The following PRDM16 variants were observed in gnomAD, a reference collection of about 807,000 sequenced individuals.
PRDM16 encodes the protein PR/SET domain 16.
PRDM16 carries 23 observed loss-of-function variants against 110.6 expected under a neutral mutation model. The ratio of observed to expected loss-of-function variants is 0.21; its 90% CI spans 0.15 to 0.29. The LOEUF is 0.29. Ranked by LOEUF, PRDM16 falls within the 10% of genes least tolerant of loss-of-function variation. The probability of loss-of-function intolerance (pLI) is 1.00; values close to 1 mark genes in which losing one functional copy is unlikely to be tolerated. For missense variants in PRDM16, 1,615 were observed against 1,794.3 expected (o/e 0.90, Z 1.81); for synonymous variants, 799 against 781.8 (o/e 1.02, Z -0.37).
intron 3 of PRDM16, among the ~76,000 whole-genome samples, chr1:3,247,505 G>C (rs1639814399): frequency 2.0e-5 from 3 of 152,158 alleles, no homozygotes; most frequent in African/African-American, 4.8e-5. Context: ...GGTGCCTCCC[G>C]TTAGCCCCGC....
rs1469012985 is a variant in PRDM16 at position 3,201,088 on chromosome 1, T to C, written c.387+14614T>C. On this transcript the variant is annotated intron_variant, in intron 2 of 16. Transcript: ENST00000270722. The surrounding 1 kb of genome is among the most constrained non-coding windows in gnomAD (Gnocchi z 4.1). ...GGGGAAGGCCAGCTGCCCAAATGACTGAAGTCTGATGGCAGAAGGACATCA... is the reference window on the plus strand; with the variant it reads ...GGGGAAGGCCAGCTGCCCAAATGACCGAAGTCTGATGGCAGAAGGACATCA... 6.6e-6 allele frequency among the ~76,000 whole-genome samples: 1 copy of C among 151,950 alleles called. No homozygotes were observed. The highest frequency in any genetic ancestry group is 1.5e-5 in the Non-Finnish European group (1 of 68,010).
At chr1:3,146,864 T>C (rs1309687914) in intron 1 of PRDM16, among the ~76,000 whole-genome samples, 1 of 112,452 alleles carries the variant, frequency 8.9e-6, no homozygotes, top group Non-Finnish European at 1.7e-5. Context: ...GTGGGGTGTG[T>C]GTGCACGTGT....
rs574804480 is a variant in PRDM16, at chr1:3,090,412, C to T, written c.37+21116C>T. Among the ~76,000 whole-genome samples the T allele has an allele frequency of 5.3e-5, 8 of 152,368 alleles. No individual in the cohort carries two copies. The South Asian group carries it at 6.2e-4, about 12-fold the overall frequency. ...TGGGTGGGGATTGGTGGCCGCCGTT[C>T]GGCAGGCCTGGTGGAACTCCTCTGA... is the stretch of plus-strand genomic sequence containing the variant. On this transcript the variant is annotated intron_variant, in intron 1 of 16. Transcript: ENST00000270722.
At position 3,412,350 on chromosome 1, in the gene PRDM16, C is replaced by T. The variant is rs756939235; in HGVS notation, c.2153C>T (p.Ser718Leu). ...GGGATGCAGGAGAAGAAGCTGGGCT[C>T]GCTCCCCTACCACTCGGCGTTCCCC... ...FMGMQEKKLG[S>L]LPYHSAFPFQ... Residue 718 changes from serine to leucine, a missense_variant, in exon 9 of 17, where the codon TCG becomes TTG. Ser to Leu is a moderately radical substitution (Grantham distance 145). This residue lies in a region of PRDM16 where 772 missense variants were observed against 748.3 expected (regional missense o/e 1.03). Coordinates refer to ENST00000270722, the MANE Select transcript of PRDM16 (RefSeq NM_022114.4). The T allele has an allele frequency of 1.5e-5, 24 of 1,613,664 alleles. No homozygotes were observed. The highest frequency in any genetic ancestry group is 2.2e-5 in the East Asian group (1 of 44,868).
intron 2 of PRDM16, among the ~76,000 whole-genome samples, chr1:3,200,373 T>G (rs1265929313): frequency 6.6e-6 from 1 of 152,150 alleles, no homozygotes; most frequent in Non-Finnish European, 1.5e-5. Context: ...GATGGAGTCT[T>G]GCTCTGCTGC....
At chr1:3,256,970 T>C (rs1261562923) in intron 3 of PRDM16, among the ~76,000 whole-genome samples, 1 of 152,224 alleles carries the variant, frequency 6.6e-6, no homozygotes, top group Non-Finnish European at 1.5e-5. Context: ...AAAAGGCTGA[T>C]TGGAAATAGT....
intron 2 of PRDM16, among the ~76,000 whole-genome samples, chr1:3,230,676 C>T (rs1302107262): frequency 6.6e-6 from 1 of 152,228 alleles, no homozygotes; most frequent in East Asian, 1.9e-4. Context: ...CCGACGCGGC[C>T]CCGGTTGGGG....
chr1:3,332,265 C>T (rs1642056348), intron 3 of PRDM16, among the ~76,000 whole-genome samples: 1 of 152,274 alleles, frequency 6.6e-6, no homozygotes, highest in Non-Finnish European at 1.5e-5. Context: ...CCGAGAAAAT[C>T]ATCTATTAAT....
chr1:3,268,041 C>T (rs995306522), intron 3 of PRDM16, among the ~76,000 whole-genome samples: 1 of 152,202 alleles, frequency 6.6e-6, no homozygotes, highest in African/African-American at 2.4e-5. Context: ...CAGGGGCCTG[C>T]GGACCACGGC....
intron 2 of PRDM16, among the ~76,000 whole-genome samples, chr1:3,200,444 G>A (rs796161927): frequency 5.6e-4 from 86 of 152,288 alleles, no homozygotes; most frequent in African/African-American, 1.9e-3. Context: ...CCGGGTTCAC[G>A]CCATTCTCCT....
intron 2 of PRDM16, among the ~76,000 whole-genome samples, chr1:3,223,220 T>C (rs1234058346): frequency 1.4e-5 from 2 of 147,304 alleles, no homozygotes; most frequent in African/African-American, 5.1e-5. Flanking sequence ...CTTTCTGGAG[T>C]CTGGGAATTA....
At chr1:3,269,341 G>A (rs901292520) in intron 3 of PRDM16, among the ~76,000 whole-genome samples, 31 of 150,956 alleles carry the variant, frequency 2.1e-4, no homozygotes, top group African/African-American at 7.6e-4. Flanking sequence ...GTTGGGAGGA[G>A]CACAGTCAGG....
At chr1:3,274,406 G>T (rs977681027) in intron 3 of PRDM16, among the ~76,000 whole-genome samples, 10 of 152,136 alleles carry the variant, frequency 6.6e-5, no homozygotes, top group African/African-American at 2.4e-4. Context: ...CTAATGAAAG[G>T]TCTCTGCTTG....
intron 5 of PRDM16, 98 bp from the exon 6 acceptor site, chr1:3,402,693 G>C (rs1643493032): frequency 1.9e-6 from 2 of 1,068,644 alleles, no homozygotes; most frequent in South Asian, 2.9e-5. Context: ...TGCAGGCCCT[G>C]AGGCACCGTG....
chr1:3,207,890 C>G (rs2100839221), intron 2 of PRDM16: 3 of 152,488 alleles, frequency 2.0e-5, no homozygotes, highest in Middle Eastern at 6.8e-3. Context: ...CCCCCGACCC[C>G]TGGAGCAAAC....
intron 8 of PRDM16, among the ~76,000 whole-genome samples, chr1:3,406,058 C>G (rs1643556709): frequency 6.6e-6 from 1 of 152,258 alleles, no homozygotes; most frequent in African/African-American, 2.4e-5. Context: ...ACGTGACAGT[C>G]TCAGCAGACA....
chr1:3,319,771 C>A (rs1379531535), intron 3 of PRDM16, among the ~76,000 whole-genome samples: 1 of 152,190 alleles, frequency 6.6e-6, no homozygotes, highest in Non-Finnish European at 1.5e-5. Context: ...CAGCCACCCA[C>A]ACAGCCCTGG....
intron 3 of PRDM16, among the ~76,000 whole-genome samples, chr1:3,272,897 C>T (rs1640490370): frequency 1.3e-5 from 2 of 152,232 alleles, no homozygotes; most frequent in Admixed American, 1.3e-4. Flanking sequence ...CTCTGCCACT[C>T]CCCAGCCTGG....
At chr1:3,432,395 C>T (rs1638793244) in intron 16 of PRDM16, among the ~76,000 whole-genome samples, 2 of 152,244 alleles carry the variant, frequency 1.3e-5, no homozygotes, top group African/African-American at 2.4e-5. Flanking sequence ...ACGGGCAGCT[C>T]ACCTTCCTGT....
Sources: allele counts gnomAD v4.1 joint callset (sites outside exome capture counted in the v4.1 genomes callset), GRCh38; gene constraint gnomAD v4.1.1; regional missense constraint gnomAD v4.1.1; non-coding constraint Gnocchi (gnomAD v3.1); transcripts MANE v1.5; gene names NCBI Gene and HGNC (gene_info 2026-07-23, HGNC 2026-07-21).